NLK: variants seen among roughly 807,000 people sequenced by gnomAD.
The protein encoded by NLK is serine/threonine-protein kinase NLK.
In NLK, 11 loss-of-function variants were observed where a neutral mutation model predicts 59.0. The ratio of observed to expected loss-of-function variants is 0.19; its 90% CI spans 0.12 to 0.31. The LOEUF (loss-of-function observed/expected upper bound fraction) is 0.31, where lower values mean the gene tolerates loss of function less well. Ranked by LOEUF, NLK falls within the 10% of genes least tolerant of loss-of-function variation. NLK has a pLI of 1.00. For synonymous variants in NLK, 235 were observed against 235.9 expected, an observed-to-expected ratio of 1.00 and a Z score of 0.03; for missense variants, 410 against 661.1, an observed-to-expected ratio of 0.62 and a Z score of 4.16.
chr17:28,154,570 A>T (rs1377453661), intron 3 of NLK, among the ~76,000 whole-genome samples: 1 of 152,220 alleles, frequency 6.6e-6, no homozygotes, highest in Admixed American at 6.5e-5. Context: ...AACTCCTGAC[A>T]TATTATGTAA....
chr17:28,116,073 T>TA (rs751393290), intron 1 of NLK, among the ~76,000 whole-genome samples: 5 of 152,302 alleles, frequency 3.3e-5, no homozygotes, highest in Non-Finnish European at 7.3e-5. Flanking sequence ...TACTTATAAG[T>TA]ATGCATCTCT....
Position 28,120,881 on chromosome 17 carries a change from A to G in NLK, c.459-1722A>G, listed in dbSNP as rs368598908. ...AGGAATTTTTATTTTCAGGAAAGCA[A>G]TTTGATGAGTGTCTGATTTCCTGAG... On this transcript the variant is annotated intron_variant, in intron 1 of 10. Transcript: ENST00000407008. 5.3e-5 allele frequency among the ~76,000 whole-genome samples: 8 copies of G among 152,330 alleles called. No individual in the cohort carries two copies. In the South Asian group the frequency reaches 1.7e-3, roughly 32 times the overall value.
intron 1 of NLK, among the ~76,000 whole-genome samples, chr17:28,085,662 A>T (rs764393872): frequency 7.2e-5 from 11 of 151,994 alleles, no homozygotes; most frequent in Non-Finnish European, 1.2e-4. Flanking sequence ...AACCGCTTGA[A>T]CCCAGGAGGC....
chr17:28,205,694 C>T, the NLK span, among the ~76,000 whole-genome samples: 13 of 152,032 alleles, frequency 8.6e-5, no homozygotes, highest in Non-Finnish European at 1.8e-4. Context: ...CCATGCCCTG[C>T]CCCTGGTAAC....
At chr17:28,114,544 G>A (rs961495416) in intron 1 of NLK, among the ~76,000 whole-genome samples, 2 of 152,098 alleles carry the variant, frequency 1.3e-5, no homozygotes, top group South Asian at 2.1e-4. Context: ...ATGAAAAGAC[G>A]TTCTTGATTT....
chr17:28,080,583 A>C (rs1301740641), intron 1 of NLK, among the ~76,000 whole-genome samples: 1 of 152,202 alleles, frequency 6.6e-6, no homozygotes, highest in African/African-American at 2.4e-5. Flanking sequence ...CACGCTTATG[A>C]ATGAAGGGTA....
intron 1 of NLK, among the ~76,000 whole-genome samples, chr17:28,101,792 A>AT (rs1904910612): frequency 6.6e-6 from 1 of 151,596 alleles, no homozygotes; most frequent in Admixed American, 6.6e-5. Context: ...TTGTTTACTT[A>AT]TTTTTTTCCC....
intron 1 of NLK, among the ~76,000 whole-genome samples, chr17:28,078,561 G>T (rs1029614790): frequency 2.0e-5 from 3 of 152,024 alleles, no homozygotes; most frequent in African/African-American, 7.3e-5. Flanking sequence ...TTTCTGCCAG[G>T]ATTACTACAC....
chr17:28,205,324 TA>T, the NLK span, among the ~76,000 whole-genome samples: 1 of 152,242 alleles, frequency 6.6e-6, no homozygotes, highest in Non-Finnish European at 1.5e-5. Context: ...GACTGAGAGA[TA>T]TCCATGGGGA....
At chr17:28,050,943 A>G (rs1281743787) in intron 1 of NLK, among the ~76,000 whole-genome samples, 1 of 152,014 alleles carries the variant, frequency 6.6e-6, no homozygotes, top group Non-Finnish European at 1.5e-5. Context: ...CATCTCCACT[A>G]AAAGTACAGA....
intron 3 of NLK, among the ~76,000 whole-genome samples, chr17:28,146,651 T>TC (rs1907267745): frequency 6.6e-6 from 1 of 152,194 alleles, no homozygotes; most frequent in African/African-American, 2.4e-5. Context: ...ACACACCGCC[T>TC]CCCACTGCTG....
At chr17:28,168,084 G>A (rs992176743) in intron 5 of NLK, among the ~76,000 whole-genome samples, 2 of 151,862 alleles carry the variant, frequency 1.3e-5, no homozygotes, top group African/African-American at 2.4e-5. Context: ...CAGCACTTTG[G>A]GAGGCCAAGG....
intron 2 of NLK, among the ~76,000 whole-genome samples, chr17:28,128,234 T>C (rs564572432): frequency 1.3e-4 from 20 of 152,212 alleles, no homozygotes; most frequent in Admixed American, 5.9e-4. Context: ...AAAACACCCA[T>C]AAAAAATTGT....
intron 1 of NLK, among the ~76,000 whole-genome samples, chr17:28,119,949 C>G (rs1198996620): frequency 6.6e-6 from 1 of 152,136 alleles, no homozygotes; most frequent in East Asian, 1.9e-4. Flanking sequence ...AGTAACTGGC[C>G]TGGTCTGTAT....
chr17:28,185,541 G>A (rs960667263), intron 8 of NLK, among the ~76,000 whole-genome samples: 2 of 152,024 alleles, frequency 1.3e-5, no homozygotes, highest in African/African-American at 4.8e-5. Context: ...ACCAAGTTAA[G>A]TCAAGACAAA....
intron 1 of NLK, among the ~76,000 whole-genome samples, chr17:28,079,745 T>A (rs1567708211): frequency 6.6e-6 from 1 of 152,202 alleles, no homozygotes; most frequent in Non-Finnish European, 1.5e-5. Flanking sequence ...CATATATGAT[T>A]TGCAAATATT....
chr17:28,062,921 G>A (rs900266014), intron 1 of NLK, among the ~76,000 whole-genome samples: 1 of 152,090 alleles, frequency 6.6e-6, no homozygotes, highest in East Asian at 1.9e-4. Flanking sequence ...AATTAAGACA[G>A]ATTGACGATA....
intron 2 of NLK, among the ~76,000 whole-genome samples, chr17:28,131,586 T>TAAAAAAAA (rs35804817): frequency 3.6e-5 from 3 of 83,728 alleles, no homozygotes; most frequent in African/African-American, 1.4e-4. Context: ...TTCTCTGTAG[T>TAAAAAAAA]AAAAAAAAAA....
Position 28,163,616 on chromosome 17 carries a change from C to T in NLK, c.825C>T (p.Asn275=). Reference sequence around the variant, plus strand: ...CAGGGAATCTCCTTGTGAACAGCAACTGTGTTCTAAAGGTAGCTTTTCAGT... The same window carrying T: ...CAGGGAATCTCCTTGTGAACAGCAATTGTGTTCTAAAGGTAGCTTTTCAGT... ...IKPGNLLVNS[N]CVLKICDFGL... Residue 275 remains asparagine (N), a synonymous_variant, in exon 5 of 11, where the codon AAC becomes AAT. Transcript: ENST00000407008. 3 of 1,594,118 alleles carry T rather than the reference C, an allele frequency of 1.9e-6. No individual in the cohort carries two copies. The highest frequency in any genetic ancestry group is 2.6e-6 in the Non-Finnish European group (3 of 1,163,784).
Sources: allele counts gnomAD v4.1 joint callset (sites outside exome capture counted in the v4.1 genomes callset), GRCh38; gene constraint gnomAD v4.1.1; transcripts MANE v1.5; gene names NCBI Gene and HGNC (gene_info 2026-07-23, HGNC 2026-07-21).